Variants in DCDC1 observed in about 807,000 individuals in gnomAD.
The protein encoded by DCDC1 is doublecortin domain-containing protein 1.
DCDC1 carries 200 observed loss-of-function variants against 178.3 expected under a neutral mutation model. The ratio of observed to expected loss-of-function variants is 1.12; its 90% CI spans 1.00 to 1.26. The LOEUF is 1.26. Among genes scored for constraint, DCDC1 ranks in the 50% most tolerant of loss-of-function variants. The pLI is 0.00. For synonymous variants in DCDC1, 690 were observed against 604.8 expected (o/e 1.14, Z -2.07); for missense variants, 1,983 against 1,749.2 (o/e 1.13, Z -2.38).
chr11:31,262,671 C>T lies in DCDC1; in HGVS notation c.1054+2836G>A, dbSNP rs75617969. On this transcript the variant is annotated intron_variant, in intron 8 of 38. Coordinates refer to ENST00000684477, the MANE Select transcript of DCDC1 (RefSeq NM_001387274.1). Reference sequence around the variant, plus strand: ...TTTATTTGTTTAAATTAAAAGATAACTTTCACATAAAACTTGACCTTTCCC... The same window carrying T: ...TTTATTTGTTTAAATTAAAAGATAATTTTCACATAAAACTTGACCTTTCCC... 9.6e-3 allele frequency: 1,619 copies of T among 169,128 alleles called. 29 individuals carry two copies. The highest frequency in any genetic ancestry group is 0.036 in the African/African-American group (1,511 of 42,350). The allele number at this position is 169,128 out of a possible 1,614,324, so 10.5% of individuals were successfully genotyped here. A position where few individuals can be genotyped will look rare whatever the true frequency, so the allele number is the denominator to read the frequency against.
rs540304370 is a variant in DCDC1 at position 31,035,100 on chromosome 11, A to G, written c.2591+29369T>C. 7.2e-5 allele frequency among the ~76,000 whole-genome samples: 11 copies of G among 152,316 alleles called. No homozygotes were observed. The South Asian group carries it at 2.3e-3, about 32-fold the overall frequency. On this transcript the variant is annotated intron_variant, in intron 20 of 38. Transcript: ENST00000684477. ...TATATCTAAGTAATCTCAGAATTTT[A>G]AAAGAATTCCTTTTATTTTGAACTC...
chr11:31,251,265 C>T (rs1370641088), intron 8 of DCDC1, among the ~76,000 whole-genome samples: 1 of 152,152 alleles, frequency 6.6e-6, no homozygotes, highest in Admixed American at 6.5e-5. Flanking sequence ...CAGGGATACC[C>T]ATCTATAATG....
chr11:31,084,916 G>A (rs1424693949), intron 17 of DCDC1, among the ~76,000 whole-genome samples: 1 of 148,332 alleles, frequency 6.7e-6, no homozygotes, highest in Non-Finnish European at 1.5e-5. Context: ...AATGGGCTTA[G>A]CCTCAATGGG....
At chr11:31,368,602 T>G (rs1468070353) in intron 1 of DCDC1, among the ~76,000 whole-genome samples, 1 of 152,232 alleles carries the variant, frequency 6.6e-6, no homozygotes, top group Non-Finnish European at 1.5e-5. Context: ...ATTTTTAAAC[T>G]TGCTTGTTTC....
At chr11:31,047,821 CAT>C (rs1003745803) in intron 20 of DCDC1, among the ~76,000 whole-genome samples, 3 of 151,998 alleles carry the variant, frequency 2.0e-5, no homozygotes, top group Admixed American at 6.6e-5. Context: ...TTTTGAATAA[CAT>C]ATAAAATTTA....
At chr11:31,226,739 A>T (rs1298563952) in intron 9 of DCDC1, among the ~76,000 whole-genome samples, 1 of 151,764 alleles carries the variant, frequency 6.6e-6, no homozygotes, top group East Asian at 1.9e-4. Context: ...GTTTTAACAA[A>T]AGACATTAAA....
In DCDC1 at chr11:31,244,811, T is replaced by G. The variant is rs112126274; in HGVS notation, c.1055-3195A>C. 2.1e-3 allele frequency among the ~76,000 whole-genome samples: 321 copies of G among 151,872 alleles called. 2 individuals are homozygous for G. Among genetic ancestry groups the G allele is most frequent in the African/African-American group, 7.3e-3 (303 of 41,512 alleles). On this transcript the variant is annotated intron_variant, in intron 8 of 38. Transcript: ENST00000684477. ...ATGTGGATGATTACTTTTCATTCCTTTTGTTTCATCTCAAGTTATGACTAT... is the reference window on the plus strand; with the variant it reads ...ATGTGGATGATTACTTTTCATTCCTGTTGTTTCATCTCAAGTTATGACTAT...
chr11:31,085,883 T>G (rs1957442943), intron 17 of DCDC1, among the ~76,000 whole-genome samples: 1 of 152,012 alleles, frequency 6.6e-6, no homozygotes, highest in South Asian at 2.1e-4. Context: ...AATTTTTAAT[T>G]TTTTAGTTAA....
At chr11:31,130,279 T>G (rs1962255957) in intron 10 of DCDC1, among the ~76,000 whole-genome samples, 3 of 152,196 alleles carry the variant, frequency 2.0e-5, no homozygotes, top group Non-Finnish European at 4.4e-5. Flanking sequence ...TGTTCATTCT[T>G]TACTAATAAT....
At chr11:30,991,322 T>C (rs1368525242) in intron 20 of DCDC1, among the ~76,000 whole-genome samples, 3 of 152,114 alleles carry the variant, frequency 2.0e-5, no homozygotes, top group Non-Finnish European at 4.4e-5. Flanking sequence ...CTTAACCATA[T>C]ACCATAATAA....
At chr11:31,081,223 A>T (rs1311815793) in intron 17 of DCDC1, among the ~76,000 whole-genome samples, 1 of 152,234 alleles carries the variant, frequency 6.6e-6, no homozygotes, top group Non-Finnish European at 1.5e-5. Flanking sequence ...AGCCATCTGA[A>T]AATGTTTTAA....
chr11:31,140,943 ATGTAGCCCCT>A (rs1458625359), intron 9 of DCDC1, among the ~76,000 whole-genome samples: 1 of 152,174 alleles, frequency 6.6e-6, no homozygotes, highest in Non-Finnish European at 1.5e-5. Context: ...TTTTTAAAAC[ATGTAGCCCCT>A]TGTGACCATA....
chr11:30,974,616 A>G (rs1038842296), intron 20 of DCDC1, among the ~76,000 whole-genome samples: 2 of 152,108 alleles, frequency 1.3e-5, no homozygotes, highest in Non-Finnish European at 1.5e-5. Flanking sequence ...CCTAGAGGGA[A>G]TGGGTAAATT....
intron 20 of DCDC1, among the ~76,000 whole-genome samples, chr11:31,027,159 G>GA (rs1454197908): frequency 6.6e-6 from 1 of 151,746 alleles, no homozygotes; most frequent in Non-Finnish European, 1.5e-5. Flanking sequence ...TACAAACTAA[G>GA]AAAAATGAAG....
At chr11:31,126,769 T>A (rs1961687684) in intron 11 of DCDC1, among the ~76,000 whole-genome samples, 2 of 152,186 alleles carry the variant, frequency 1.3e-5, no homozygotes, top group Non-Finnish European at 2.9e-5. Flanking sequence ...CAATATTAAC[T>A]TGACAAACTT....
chr11:31,359,506 G>A (rs1951591541), intron 1 of DCDC1, among the ~76,000 whole-genome samples: 1 of 152,014 alleles, frequency 6.6e-6, no homozygotes, highest in Admixed American at 6.5e-5. Flanking sequence ...AGTGGGTGCA[G>A]CGCACCAGCA....
intron 20 of DCDC1, among the ~76,000 whole-genome samples, chr11:31,048,340 AG>A (rs1276410486): frequency 6.6e-6 from 1 of 152,216 alleles, no homozygotes; most frequent in East Asian, 1.9e-4. Context: ...CAATGAAAAA[AG>A]TTTAGCAATG....
chr11:31,338,665 G>C (rs1458050095), intron 1 of DCDC1, among the ~76,000 whole-genome samples: 1 of 152,098 alleles, frequency 6.6e-6, no homozygotes, highest in Non-Finnish European at 1.5e-5. Flanking sequence ...GTGATTTCTG[G>C]GAACTGTCAC....
In DCDC1 at chr11:30,865,176, A is replaced by G. The variant is rs1337368650; in HGVS notation, c.*197T>C. On this transcript the variant is annotated 3_prime_UTR_variant, in exon 39 of 39. Coordinates refer to ENST00000684477, the MANE Select transcript of DCDC1 (RefSeq NM_001387274.1). ...CTGTCAGGGTTTATTTAAAATGCAGATTTTTGAAGGATAAATTTTACGACT... is the reference window on the plus strand; with the variant it reads ...CTGTCAGGGTTTATTTAAAATGCAGGTTTTTGAAGGATAAATTTTACGACT... The G allele has an allele frequency of 1.3e-5, 2 of 152,134 alleles. No individual in the cohort carries two copies. Among genetic ancestry groups the G allele is most frequent in the Admixed American group, 1.3e-4 (2 of 15,270 alleles). 9.4% of individuals were successfully genotyped at this position (152,134 alleles called of 1,614,324 possible).
Sources: allele counts gnomAD v4.1 joint callset (sites outside exome capture counted in the v4.1 genomes callset), GRCh38; gene constraint gnomAD v4.1.1; transcripts MANE v1.5; gene names NCBI Gene and HGNC (gene_info 2026-07-23, HGNC 2026-07-21).